The following MAN1C1 variants were observed in gnomAD, a reference collection of about 807,000 sequenced individuals.
The protein encoded by MAN1C1 is mannosyl-oligosaccharide 1,2-alpha-mannosidase IC.
MAN1C1 carries 49 observed loss-of-function variants against 71.5 expected under a neutral mutation model. The ratio of observed to expected loss-of-function variants is 0.69; its 90% CI spans 0.54 to 0.87. The LOEUF is 0.87. MAN1C1 is among the 40% of genes least tolerant of loss of function. The pLI is 0.00. For synonymous variants in MAN1C1, 352 were observed against 343.7 expected (o/e 1.02, Z -0.27); for missense variants, 743 against 835.0 (o/e 0.89, Z 1.36).
chr1:25,622,767 T>C (rs567392568), intron 1 of MAN1C1, among the ~76,000 whole-genome samples: 1 of 152,328 alleles, frequency 6.6e-6, no homozygotes, highest in East Asian at 1.9e-4. Flanking sequence ...CACCAGGGTA[T>C]TGCTGGTTAT....
chr1:25,718,940 C>A (rs1334820457), intron 2 of MAN1C1, among the ~76,000 whole-genome samples: 2 of 151,858 alleles, frequency 1.3e-5, no homozygotes, highest in African/African-American at 4.8e-5. Context: ...CTTGGGACCT[C>A]TACATTGAAT....
chr1:25,745,116 C>G (rs1362111372), intron 2 of MAN1C1, among the ~76,000 whole-genome samples: 1 of 152,214 alleles, frequency 6.6e-6, no homozygotes, highest in Non-Finnish European at 1.5e-5. Flanking sequence ...GCAAAAGGCT[C>G]TGGTTGTGCC....
rs2046613317 is a variant in MAN1C1 at position 25,711,585 on chromosome 1, T to C, written c.637+25049T>C. Among the ~76,000 whole-genome samples, 1 of 152,196 alleles carries C rather than the reference T, an allele frequency of 6.6e-6. No individual in the cohort carries two copies. The highest frequency in any genetic ancestry group is 2.1e-4 in the South Asian group (1 of 4,828). On this transcript the variant is annotated intron_variant, in intron 2 of 11. Transcript: ENST00000374332. This position sits in a 1 kb window ranked among gnomAD's most constrained non-coding sequence, Gnocchi z 4.3. ...ACAGAACTAAAGGACATATTTTTATTGAAGCACTCATTCTGCATGTATTGA... is the reference window on the plus strand; with the variant it reads ...ACAGAACTAAAGGACATATTTTTATCGAAGCACTCATTCTGCATGTATTGA...
At chr1:25,727,815 A>G (rs1409090316) in intron 2 of MAN1C1, among the ~76,000 whole-genome samples, 1 of 152,232 alleles carries the variant, frequency 6.6e-6, no homozygotes, top group Non-Finnish European at 1.5e-5. Context: ...AAGCTGGCAG[A>G]TTGCCCAGCC....
At position 25,692,527 on chromosome 1, in the gene MAN1C1, C is replaced by A. The variant is rs544473962; in HGVS notation, c.637+5991C>A. ...CTGCGTCCAGCCCATAGCTGTATTCCCTTTGTCTGCCTCACAGCCCTTATA... is the reference window on the plus strand; with the variant it reads ...CTGCGTCCAGCCCATAGCTGTATTCACTTTGTCTGCCTCACAGCCCTTATA... On this transcript the variant is annotated intron_variant, in intron 2 of 11. Transcript: ENST00000374332. 3.3e-5 allele frequency among the ~76,000 whole-genome samples: 5 copies of A among 152,236 alleles called. No individual in the cohort carries two copies. In the South Asian group the frequency reaches 8.3e-4, roughly 25 times the overall value.
In MAN1C1 at chr1:25,749,464, C is replaced by A. The variant is rs2124344430; in HGVS notation, c.834+129C>A. The A allele has an allele frequency of 1.2e-5, 8 of 671,608 alleles. No individual in the cohort carries two copies. In the South Asian group the frequency reaches 1.9e-4, roughly 16 times the overall value. The allele number at this position is 671,608 out of a possible 1,614,324, so 41.6% of individuals were successfully genotyped here. A position where few individuals can be genotyped will look rare whatever the true frequency, so the allele number is the denominator to read the frequency against. On this transcript the variant is annotated intron_variant, in intron 4 of 11. Coordinates refer to ENST00000374332, the MANE Select transcript of MAN1C1 (RefSeq NM_020379.4). ...GGGGCAGGGATGGGCCTGGGGCCAC[C>A]CAAGTCCACCCCTGAGGGCCTGTTT...
intron 2 of MAN1C1, among the ~76,000 whole-genome samples, chr1:25,699,815 A>C (rs115748357): frequency 0.15 from 22,093 of 152,230 alleles, 1,809 homozygotes; most frequent in East Asian, 0.3. Context: ...CCCCACAGCC[A>C]GTGGAGACTG....
chr1:25,626,891 T>C lies in MAN1C1; in HGVS notation c.540+8554T>C, dbSNP rs566045962. ...CAAAGAGCAGAAGTTTTAATTTTTA[T>C]AAAGGCCAGTGTATCAGTATTTTCC... is the stretch of plus-strand genomic sequence containing the variant. On this transcript the variant is annotated intron_variant, in intron 1 of 11. Coordinates refer to ENST00000374332, the MANE Select transcript of MAN1C1 (RefSeq NM_020379.4). Among the ~76,000 whole-genome samples the C allele has an allele frequency of 1.6e-4, 24 of 152,356 alleles. No individual in the cohort carries two copies. In the East Asian group the frequency reaches 4.2e-3, roughly 27 times the overall value.
chr1:25,728,124 C>T (rs2046858458), intron 2 of MAN1C1, among the ~76,000 whole-genome samples: 2 of 152,322 alleles, frequency 1.3e-5, no homozygotes, highest in South Asian at 4.1e-4. Flanking sequence ...ATTTGAGGAG[C>T]ATCTCTCAAA....
rs1056733036 is a variant in MAN1C1, at chr1:25,706,239, T to G, written c.637+19703T>G. On this transcript the variant is annotated intron_variant, in intron 2 of 11. Transcript: ENST00000374332. ...TCCTGGAGTCCTCTCACACCCACAC[T>G]TGCATAACAGGAACAGGGAAGGAAG... Among the ~76,000 whole-genome samples the G allele has an allele frequency of 3.9e-5, 6 of 152,322 alleles. No homozygotes were observed. In the East Asian group the frequency reaches 1.2e-3, roughly 29 times the overall value.
At position 25,782,275 on chromosome 1, in the gene MAN1C1, C is replaced by T. The variant is rs1273297204; in HGVS notation, c.1651-310C>T. ...TGAATCTGTAAGACCAGCCTAGTCC[C>T]CTGAAACACAAAGAGAAGCTTCCTC... On this transcript the variant is annotated intron_variant, in intron 10 of 11. Transcript: ENST00000374332. The surrounding 1 kb of genome is among the most constrained non-coding windows in gnomAD (Gnocchi z 4.4). Among the ~76,000 whole-genome samples, 1 of 152,076 alleles carries T rather than the reference C, an allele frequency of 6.6e-6. No homozygotes were observed. The highest frequency in any genetic ancestry group is 1.5e-5 in the Non-Finnish European group (1 of 68,020).
chr1:25,726,813 C>T (rs1230405621), intron 2 of MAN1C1, among the ~76,000 whole-genome samples: 7 of 150,210 alleles, frequency 4.7e-5, no homozygotes, highest in South Asian at 2.1e-4. Context: ...CCCATCACTG[C>T]GGGAGGCCAA....
rs779189625 is a variant in MAN1C1, at chr1:25,753,585, C to T, written c.929+7C>T. On this transcript the variant is annotated splice_region_variant and intron_variant, in intron 5 of 11. Transcript: ENST00000374332. The surrounding 1 kb of genome is among the most constrained non-coding windows in gnomAD (Gnocchi z 4.9). The stretch of plus-strand genomic sequence containing the variant: ...GCGTGGTGAGCTTCAAAAGGTAGGG[C>T]GCCATCGCGTTCCCCACTGGGGCTT... 1.9e-6 allele frequency: 3 copies of T among 1,612,164 alleles called. No individual in the cohort carries two copies. The highest frequency in any genetic ancestry group is 2.2e-5 in the East Asian group (1 of 44,822).
chr1:25,679,021 G>GAA (rs1260452166), intron 1 of MAN1C1, among the ~76,000 whole-genome samples: 1 of 151,908 alleles, frequency 6.6e-6, no homozygotes, highest in Admixed American at 6.6e-5. Context: ...GAGAGAGAGA[G>GAA]AAACAAGACG....
At position 25,618,102 on chromosome 1, in the gene MAN1C1, C is replaced by G. The variant is rs916448055; in HGVS notation, c.305C>G (p.Pro102Arg). The G allele has an allele frequency of 6.6e-7, 1 of 1,513,246 alleles. No individual in the cohort carries two copies. Among genetic ancestry groups the G allele is most frequent in the Non-Finnish European group, 8.8e-7 (1 of 1,138,604 alleles). The allele number at this position is 1,513,246 out of a possible 1,614,324, so 93.7% of individuals were successfully genotyped here. Residue 102 changes from proline to arginine, a missense_variant, in exon 1 of 12, where the codon CCC becomes CGC. Physicochemically the swap from Pro to Arg is moderately radical, Grantham distance 103 (BLOSUM62 -2). Coordinates refer to ENST00000374332, the MANE Select transcript of MAN1C1 (RefSeq NM_020379.4). ...GATGACCCCAGCAGCTGGGCCAGTC[C>G]CCGCCGCAGGAAAGGGGGGCTGCGG... Reference protein sequence around the residue: ...GEDDPSSWASPRRRKGGLRRT... With the variant: ...GEDDPSSWASRRRRKGGLRRT...
At chr1:25,673,071 G>T (rs1234131288) in intron 1 of MAN1C1, among the ~76,000 whole-genome samples, 1 of 152,112 alleles carries the variant, frequency 6.6e-6, no homozygotes, top group Non-Finnish European at 1.5e-5. Flanking sequence ...AAGGAGGTGA[G>T]TCAGAGATGT....
At chr1:25,716,916 A>G (rs1413520740) in intron 2 of MAN1C1, among the ~76,000 whole-genome samples, 1 of 152,202 alleles carries the variant, frequency 6.6e-6, no homozygotes, top group Non-Finnish European at 1.5e-5. Flanking sequence ...GTTCCTTAGA[A>G]TCACACAGTG....
Position 25,746,816 on chromosome 1 carries a change from C to A in MAN1C1, c.753+33C>A. 6 of 636,236 alleles carry A rather than the reference C, an allele frequency of 9.4e-6. No homozygotes were observed. The highest frequency in any genetic ancestry group is 2.7e-4 in the Middle Eastern group (1 of 3,646). 39.4% of individuals were successfully genotyped at this position (636,236 alleles called of 1,614,324 possible). On this transcript the variant is annotated intron_variant, in intron 3 of 11. Coordinates refer to ENST00000374332, the MANE Select transcript of MAN1C1 (RefSeq NM_020379.4). This position sits in a 1 kb window ranked among gnomAD's most constrained non-coding sequence, Gnocchi z 4.0. ...AGAGGCCCTCGGCGGGGGAGGGGGGCGGGGGCCAGAAGAGGCCCAACAGCC... is the reference window on the plus strand; with the variant it reads ...AGAGGCCCTCGGCGGGGGAGGGGGGAGGGGGCCAGAAGAGGCCCAACAGCC...
intron 1 of MAN1C1, among the ~76,000 whole-genome samples, chr1:25,685,188 A>G (rs1357780499): frequency 6.6e-6 from 1 of 152,240 alleles, no homozygotes; most frequent in Non-Finnish European, 1.5e-5. Context: ...ACCTATCAGG[A>G]TGGTGGCAAG....
Sources: gnomAD v4.1 joint callset for allele counts (sites outside exome capture counted in the v4.1 genomes callset) on GRCh38, gnomAD v4.1.1 for gene constraint, Gnocchi (gnomAD v3.1) non-coding constraint, MANE v1.5 for transcripts, NCBI Gene and HGNC (gene_info 2026-07-23, HGNC 2026-07-21) for gene names.